Variants in C6orf132 observed in about 807,000 individuals in gnomAD.
The protein encoded by C6orf132 is chromosome 6 open reading frame 132, also known as uncharacterized protein C6orf132.
A neutral mutation model predicts 65.3 loss-of-function variants in C6orf132; 43 were observed. The ratio of observed to expected loss-of-function variants is 0.66; its 90% CI spans 0.52 to 0.85. The LOEUF (loss-of-function observed/expected upper bound fraction) is 0.85, where lower values mean the gene tolerates loss of function less well. Among genes scored for constraint, C6orf132 ranks in the 40% least tolerant of loss-of-function variants. The pLI, the probability that C6orf132 is intolerant of heterozygous loss-of-function variation, is 0.00. For missense variants in C6orf132, 1,488 were observed against 1,548.8 expected, an observed-to-expected ratio of 0.96 and a Z score of 0.66; for synonymous variants, 631 against 654.1, an observed-to-expected ratio of 0.96 and a Z score of 0.54.
chr6:42,121,352 C>T (rs1766680458), intron 2 of C6orf132, among the ~76,000 whole-genome samples: 1 of 152,294 alleles, frequency 6.6e-6, no homozygotes, highest in East Asian at 1.9e-4. Flanking sequence ...GCTAACATTT[C>T]AGAGTTGAGA....
intron 2 of C6orf132, 52 bp downstream of exon 2, chr6:42,128,620 G>T: frequency 7.1e-7 from 1 of 1,410,896 alleles, no homozygotes; most frequent in South Asian, 1.2e-5. Flanking sequence ...GGGCAGCCTT[G>T]GTGTCCCCAG....
At chr6:42,120,315 C>A (rs55919112) in intron 2 of C6orf132, among the ~76,000 whole-genome samples, 1 of 146,704 alleles carries the variant, frequency 6.8e-6, no homozygotes, top group Non-Finnish European at 1.5e-5. Context: ...GGCGCGATCT[C>A]GGCTCACTGC....
chr6:42,139,963 G>T (rs2127480949), intron 1 of C6orf132, among the ~76,000 whole-genome samples: 1 of 152,344 alleles, frequency 6.6e-6, no homozygotes, highest in East Asian at 1.9e-4. Context: ...GAGACAGGAT[G>T]CCAAGGCAGG....
intron 1 of C6orf132, among the ~76,000 whole-genome samples, chr6:42,130,924 C>G (rs182444778): frequency 6.6e-6 from 1 of 151,976 alleles, no homozygotes; most frequent in South Asian, 2.1e-4. Context: ...TGTGCTCTGT[C>G]GCTCAGGCTG....
At chr6:42,118,972 C>T (rs536729280) in intron 2 of C6orf132, among the ~76,000 whole-genome samples, 1 of 143,936 alleles carries the variant, frequency 6.9e-6, no homozygotes, top group East Asian at 2.0e-4. Context: ...TTCCTGAGCT[C>T]CTGTAATCCC....
chr6:42,135,769 A>AC (rs1766932013), intron 1 of C6orf132, among the ~76,000 whole-genome samples: 1 of 152,132 alleles, frequency 6.6e-6, no homozygotes, highest in Non-Finnish European at 1.5e-5. Flanking sequence ...AGCCCTCACC[A>AC]CCCCATGGGG....
intron 3 of C6orf132, among the ~76,000 whole-genome samples, 157 bp downstream of exon 3, chr6:42,110,059 G>A (rs568150746): frequency 2.0e-5 from 3 of 152,166 alleles, no homozygotes; most frequent in Admixed American, 6.5e-5. Flanking sequence ...AGCCCACTGC[G>A]GCCAGTAATC....
At chr6:42,121,327 A>G (rs980468317) in intron 2 of C6orf132, among the ~76,000 whole-genome samples, 1 of 152,206 alleles carries the variant, frequency 6.6e-6, no homozygotes, top group Non-Finnish European at 1.5e-5. Flanking sequence ...GGAATCCCCT[A>G]TTGCCCTATT....
intron 2 of C6orf132, among the ~76,000 whole-genome samples, chr6:42,111,574 G>A (rs1398994212): frequency 5.3e-5 from 8 of 151,746 alleles, no homozygotes; most frequent in Admixed American, 1.3e-4. Context: ...GAGCCACCGC[G>A]CCCAGCCCTG....
chr6:42,105,143 G>C lies in C6orf132; in HGVS notation c.2769C>G (p.Asp923Glu). Residue 923 changes from aspartate to glutamate, a missense_variant, in exon 4 of 5, where the codon GAC becomes GAG. Coordinates refer to ENST00000341865, the MANE Select transcript of C6orf132 (RefSeq NM_001164446.3). The stretch of plus-strand genomic sequence containing the variant: ...TGCGGCTCAGCTCTGTGCCCTCTGC[G>C]TCTCTTCCCAGCCGCGGCCCCCACT... ...PNKWGPRLGR[D>E]AEGTELSRRH... 1 of 1,536,950 alleles carries C rather than the reference G, an allele frequency of 6.5e-7. No homozygotes were observed. The highest frequency in any genetic ancestry group is 8.7e-7 in the Non-Finnish European group (1 of 1,146,802).
rs1197335631 is a variant in C6orf132, at chr6:42,124,348, A to G, written c.252+4324T>C. ...AAGGGAACTCTGGGGAAGGGGGCAG[A>G]AGCGCCTGTTGCTGCCTTGTCTCCT... is the stretch of plus-strand genomic sequence containing the variant. On this transcript the variant is annotated intron_variant, in intron 2 of 4. Coordinates refer to ENST00000341865, the MANE Select transcript of C6orf132 (RefSeq NM_001164446.3). The surrounding 1 kb of genome is among the most constrained non-coding windows in gnomAD (Gnocchi z 4.0). 6.6e-6 allele frequency among the ~76,000 whole-genome samples: 1 copy of G among 152,226 alleles called. No homozygotes were observed. Among genetic ancestry groups the G allele is most frequent in the East Asian group, 1.9e-4 (1 of 5,198 alleles).
intron 2 of C6orf132, among the ~76,000 whole-genome samples, chr6:42,118,337 CT>C (rs777282928): frequency 1.2e-4 from 18 of 152,198 alleles, no homozygotes; most frequent in Admixed American, 5.9e-4. Context: ...CAGGGCTGGG[CT>C]TGAGGTCACT....
intron 2 of C6orf132, among the ~76,000 whole-genome samples, chr6:42,127,142 A>G (rs1766780483): frequency 6.6e-6 from 1 of 151,994 alleles, no homozygotes; most frequent in Non-Finnish European, 1.5e-5. Context: ...TTTTGTAGAG[A>G]TGGGGTTGGG....
chr6:42,116,795 G>A (rs1766586312), intron 2 of C6orf132, among the ~76,000 whole-genome samples: 1 of 152,074 alleles, frequency 6.6e-6, no homozygotes, highest in South Asian at 2.1e-4. Flanking sequence ...GTAGCTGGGG[G>A]AACCTGACCG....
chr6:42,136,213 A>T (rs1040895339), intron 1 of C6orf132, among the ~76,000 whole-genome samples: 2 of 151,184 alleles, frequency 1.3e-5, no homozygotes, highest in Non-Finnish European at 2.9e-5. Flanking sequence ...AAATGGGCCT[A>T]GGAATCATAT....
chr6:42,103,780 TG>T lies in C6orf132; in HGVS notation c.3547del (p.His1183IlefsTer42). 2 of 1,431,162 alleles carry T rather than the reference TG, an allele frequency of 1.4e-6. No homozygotes were observed. Among genetic ancestry groups the T allele is most frequent in the Non-Finnish European group, 1.8e-6 (2 of 1,091,988 alleles). The allele number at this position is 1,431,162 out of a possible 1,614,324, so 88.7% of individuals were successfully genotyped here. ...CCTGGCTCAGGAGGTGGCTTTCCGA[TG>T]GGCCCCTGAGCAGACATAGGAGATG... ...HPISYVCSGA[H>X]RKATS On this transcript the variant is annotated frameshift_variant, in exon 5 of 5. Transcript: ENST00000341865. LOFTEE classifies it high-confidence loss of function.
At chr6:42,121,759 G>C (rs758555432) in intron 2 of C6orf132, among the ~76,000 whole-genome samples, 1 of 152,244 alleles carries the variant, frequency 6.6e-6, no homozygotes, top group Non-Finnish European at 1.5e-5. Flanking sequence ...GCGGGGTGTG[G>C]AGTTGCAGAG....
chr6:42,141,604 TCCTTG>T (rs1767033858), intron 1 of C6orf132, among the ~76,000 whole-genome samples: 1 of 152,174 alleles, frequency 6.6e-6, no homozygotes, highest in African/African-American at 2.4e-5. Flanking sequence ...GGGAGAGGGT[TCCTTG>T]GCCTCCACTG....
intron 2 of C6orf132, among the ~76,000 whole-genome samples, chr6:42,119,646 C>A (rs1438320592): frequency 6.6e-6 from 1 of 151,986 alleles, no homozygotes; most frequent in Non-Finnish European, 1.5e-5. Flanking sequence ...TGCACCCAGC[C>A]TGTCCAGCTT....
Sources: gnomAD v4.1 joint callset for allele counts (sites outside exome capture counted in the v4.1 genomes callset) on GRCh38, gnomAD v4.1.1 for gene constraint, Gnocchi (gnomAD v3.1) non-coding constraint, MANE v1.5 for transcripts, NCBI Gene and HGNC (gene_info 2026-07-23, HGNC 2026-07-21) for gene names.